The following ANKRD30BL variants were observed in gnomAD, a reference collection of about 807,000 sequenced individuals.
The protein encoded by ANKRD30BL is ankyrin repeat domain 30B like.
In ANKRD30BL, 20 loss-of-function variants were observed where a neutral mutation model predicts 18.4. The observed-to-expected ratio is 1.09, with a 90% confidence interval of 0.77 to 1.58. ANKRD30BL has a LOEUF of 1.58. Ranked by LOEUF, ANKRD30BL falls within the 40% of genes most tolerant of loss-of-function variation. ANKRD30BL has a pLI of 0.00. For missense variants in ANKRD30BL, 224 were observed against 268.6 expected (o/e 0.83, Z 1.16); for synonymous variants, 72 against 100.9 (o/e 0.71, Z 1.72).
intron 1 of ANKRD30BL, among the ~76,000 whole-genome samples, chr2:132,208,783 T>C (rs1679260917): frequency 6.6e-6 from 1 of 151,506 alleles, no homozygotes; most frequent in Admixed American, 6.6e-5. Flanking sequence ...TGTTTGTCCC[T>C]CACACAGGAT....
chr2:132,171,414 C>T (rs945058096), intron 1 of ANKRD30BL, among the ~76,000 whole-genome samples: 2 of 152,032 alleles, frequency 1.3e-5, no homozygotes, highest in African/African-American at 2.4e-5. Flanking sequence ...AGATGCTATG[C>T]GATTATGTGA....
At chr2:132,192,856 C>T (rs2104739715) in intron 1 of ANKRD30BL, among the ~76,000 whole-genome samples, 1 of 152,340 alleles carries the variant, frequency 6.6e-6, no homozygotes, top group South Asian at 2.1e-4. Context: ...GCACTGGGAA[C>T]AGTGGCCCTG....
intron 1 of ANKRD30BL, among the ~76,000 whole-genome samples, chr2:132,217,157 G>C (rs545176966): frequency 6.6e-6 from 1 of 152,136 alleles, no homozygotes; most frequent in African/African-American, 2.4e-5. Flanking sequence ...TCCACTCACA[G>C]AGTTGGACAC....
At chr2:132,214,357 T>C (rs1172585673) in intron 1 of ANKRD30BL, among the ~76,000 whole-genome samples, 1 of 152,060 alleles carries the variant, frequency 6.6e-6, no homozygotes, top group Non-Finnish European at 1.5e-5. Context: ...AGAGGCATTC[T>C]GAGAAACTTG....
chr2:132,231,475 G>T, intron 1 of ANKRD30BL, among the ~76,000 whole-genome samples: 1 of 152,290 alleles, frequency 6.6e-6, no homozygotes, highest in African/African-American at 2.4e-5. Flanking sequence ...CAGGTCAGTG[G>T]GTGCACGCAC....
chr2:132,180,569 T>C (rs1688443379), intron 1 of ANKRD30BL, among the ~76,000 whole-genome samples: 2 of 152,096 alleles, frequency 1.3e-5, no homozygotes, highest in Non-Finnish European at 2.9e-5. Flanking sequence ...AAATCTGTTA[T>C]TCACCCTCAC....
rs1387093056 is a variant in ANKRD30BL, at chr2:132,147,985, C to T, written c.*146G>A. On this transcript the variant is annotated 3_prime_UTR_variant, in exon 6 of 6. Transcript: ENST00000409867. ...CGAACGAGGAAGTTAAACTTTAAAA[C>T]GGAGAACAAAGAACAGAGAAGCTGA... The T allele has an allele frequency of 1.1e-5, 7 of 653,128 alleles. No individual in the cohort carries two copies. Among genetic ancestry groups the T allele is most frequent in the South Asian group, 3.8e-5 (2 of 52,890 alleles). The allele number at this position is 653,128 out of a possible 1,614,324, so 40.5% of individuals were successfully genotyped here. A position where few individuals can be genotyped will look rare whatever the true frequency, so the allele number is the denominator to read the frequency against.
At chr2:132,239,358 C>G (rs565334243) in intron 1 of ANKRD30BL, among the ~76,000 whole-genome samples, 1 of 151,978 alleles carries the variant, frequency 6.6e-6, no homozygotes, top group African/African-American at 2.4e-5. Flanking sequence ...GAATTCAACT[C>G]ACAGGGTTCA....
chr2:132,222,137 G>A (rs1366276608), intron 1 of ANKRD30BL, among the ~76,000 whole-genome samples: 6 of 147,066 alleles, frequency 4.1e-5, no homozygotes, highest in Admixed American at 1.4e-4. Context: ...GGTGAGGGGC[G>A]CCTCTGCCCG....
intron 1 of ANKRD30BL, among the ~76,000 whole-genome samples, chr2:132,191,670 T>C (rs1678852535): frequency 6.6e-6 from 1 of 152,156 alleles, no homozygotes; most frequent in Admixed American, 6.6e-5. Flanking sequence ...TCTTTGGTTA[T>C]TGTCATCTAC....
chr2:132,158,798 T>C (rs1173509572), intron 1 of ANKRD30BL, among the ~76,000 whole-genome samples: 1 of 150,824 alleles, frequency 6.6e-6, no homozygotes, highest in Non-Finnish European at 1.5e-5. Context: ...AATAAATCTA[T>C]ATATAATAAA....
intron 1 of ANKRD30BL, among the ~76,000 whole-genome samples, chr2:132,233,164 C>T (rs1419899759): frequency 2.0e-5 from 3 of 151,446 alleles, no homozygotes; most frequent in South Asian, 4.2e-4. Context: ...CAGGCCTGCC[C>T]TAAAAGAGCT....
chr2:132,253,783 C>G (rs1269742902), intron 1 of ANKRD30BL, among the ~76,000 whole-genome samples: 2 of 151,866 alleles, frequency 1.3e-5, no homozygotes, highest in Non-Finnish European at 2.9e-5. Context: ...GCGCTAGGTA[C>G]CTGGATGGCG....
chr2:132,173,519 G>T, intron 1 of ANKRD30BL, among the ~76,000 whole-genome samples: 1 of 151,172 alleles, frequency 6.6e-6, no homozygotes, highest in East Asian at 2.0e-4. Flanking sequence ...GGATGGTCTC[G>T]ATTTCCTCAC....
At chr2:132,151,666 A>G (rs1001570853) in intron 4 of ANKRD30BL, among the ~76,000 whole-genome samples, 3 of 151,962 alleles carry the variant, frequency 2.0e-5, no homozygotes, top group African/African-American at 7.2e-5. Flanking sequence ...ATATTCAAAT[A>G]TTGCAATTTT....
intron 1 of ANKRD30BL, among the ~76,000 whole-genome samples, chr2:132,231,631 C>A (rs192604879): frequency 1.3e-5 from 2 of 152,130 alleles, no homozygotes; most frequent in African/African-American, 4.8e-5. Context: ...CTTTTCGGAC[C>A]GGCTTAAAAA....
Position 132,255,691 on chromosome 2 carries a change from C to T in ANKRD30BL, n.441+1838G>A, listed in dbSNP as rs574189197. Among the ~76,000 whole-genome samples the T allele has an allele frequency of 4.6e-5, 7 of 152,146 alleles. No homozygotes were observed. In the East Asian group the frequency reaches 9.6e-4, roughly 21 times the overall value. The stretch of plus-strand genomic sequence containing the variant: ...TTGTTATTTTTCGTCACTACCTCCC[C>T]GTGTCAGGAGTGGGTAATTTGAGTG... On this transcript the variant is annotated intron_variant and non_coding_transcript_variant, in intron 1 of 4. Transcript: ENST00000470729.
At chr2:132,208,940 C>T (rs1234817336) in intron 1 of ANKRD30BL, among the ~76,000 whole-genome samples, 1 of 151,826 alleles carries the variant, frequency 6.6e-6, no homozygotes, top group Non-Finnish European at 1.5e-5. Context: ...TTTTGAAATA[C>T]TCTTTTTGTA....
upstream of ANKRD30BL, among the ~76,000 whole-genome samples, chr2:132,165,217 A>AT (rs201880811): frequency 0.22 from 22,649 of 104,516 alleles, 1,888 homozygotes; most frequent in Admixed American, 0.3. Flanking sequence ...CAAATCATTT[A>AT]TTTTTTTAGG....
Sources: allele counts gnomAD v4.1 joint callset (sites outside exome capture counted in the v4.1 genomes callset), GRCh38; gene constraint gnomAD v4.1.1; transcripts MANE v1.5; gene names NCBI Gene and HGNC (gene_info 2026-07-23, HGNC 2026-07-21).